SMYD1: variants seen among roughly 807,000 people sequenced by gnomAD.
SMYD1 encodes histone-lysine N-methyltransferase SMYD1.
SMYD1 carries 49 observed loss-of-function variants against 54.0 expected under a neutral mutation model. The observed-to-expected ratio is 0.91, with a 90% CI of 0.72 to 1.15. SMYD1 has a LOEUF of 1.15. SMYD1 is among the 50% of genes most tolerant of loss of function. SMYD1 has a pLI of 0.00. For synonymous variants in SMYD1, 269 were observed against 234.2 expected (o/e 1.15, Z -1.36); for missense variants, 653 against 639.6 (o/e 1.02, Z -0.23).
rs527439750 is a variant in SMYD1 at position 88,112,227 on chromosome 2, C to T, written c.*1715C>T. On this transcript the variant is annotated 3_prime_UTR_variant, in exon 10 of 10. Transcript: ENST00000419482. The stretch of plus-strand genomic sequence containing the variant: ...ACTCTTTTACCTTCATATAAAATGT[C>T]TCCCCCAAACCTTTTTCCCTTCTTT... 16 of 691,630 alleles carry T rather than the reference C, an allele frequency of 2.3e-5. No individual in the cohort carries two copies. Among genetic ancestry groups the T allele is most frequent in the Middle Eastern group, 4.6e-4 (2 of 4,328 alleles). The allele number at this position is 691,630 out of a possible 1,614,324, so 42.8% of individuals were successfully genotyped here.
chr2:88,096,922 AT>A lies in SMYD1; in HGVS notation c.888+139del, dbSNP rs1674603317. 3.6e-6 allele frequency: 3 copies of A among 833,662 alleles called. No homozygotes were observed. The Admixed American group carries it at 8.9e-5, about 25-fold the overall frequency. 51.6% of individuals were successfully genotyped at this position (833,662 alleles called of 1,614,324 possible). On this transcript the variant is annotated intron_variant, in intron 6 of 9. Transcript: ENST00000419482. The stretch of plus-strand genomic sequence containing the variant: ...TGTCACCCTGGGGAGGAGGCAGGGC[AT>A]GAGAGCAGAGCACCGCAGGTAGGTC...
intron 1 of SMYD1, among the ~76,000 whole-genome samples, chr2:88,072,016 AAC>A (rs1484613272): frequency 3.0e-4 from 43 of 144,234 alleles, no homozygotes; most frequent in East Asian, 1.0e-3. Flanking sequence ...AAAAAAAAAA[AAC>A]CCCAGCTATT....
chr2:88,093,166 T>C (rs1573113470), intron 4 of SMYD1, among the ~76,000 whole-genome samples: 1 of 152,222 alleles, frequency 6.6e-6, no homozygotes, highest in Non-Finnish European at 1.5e-5. Context: ...GGATGCTTAA[T>C]AGAATGATAA....
In SMYD1 at chr2:88,111,114, T is replaced by C. The variant is rs887294379; in HGVS notation, c.*602T>C. 3 of 152,396 alleles carry C rather than the reference T, an allele frequency of 2.0e-5. No individual in the cohort carries two copies. Among genetic ancestry groups the C allele is most frequent in the African/African-American group, 4.8e-5 (2 of 41,444 alleles). 9.4% of individuals were successfully genotyped at this position (152,396 alleles called of 1,614,324 possible). ...AAGAAGGGGCTGTGTTTGGGCCACG[T>C]AGGCTCTACTCAGAGACCTGAAACC... On this transcript the variant is annotated 3_prime_UTR_variant, in exon 10 of 10. Transcript: ENST00000419482.
intron 7 of SMYD1, among the ~76,000 whole-genome samples, chr2:88,103,720 T>A (rs1558858024): frequency 6.6e-6 from 1 of 152,134 alleles, no homozygotes; most frequent in Non-Finnish European, 1.5e-5. Flanking sequence ...TTTCAATGTG[T>A]AACCAAAGCC....
Position 88,112,352 on chromosome 2 carries a change from C to G in SMYD1, c.*1840C>G. On this transcript the variant is annotated 3_prime_UTR_variant, in exon 10 of 10. Coordinates refer to ENST00000419482, the MANE Select transcript of SMYD1 (RefSeq NM_198274.4). The stretch of plus-strand genomic sequence containing the variant: ...TTTGTTGTCTTTAACAAACTGTGTT[C>G]TGTGTCTGTGCTCCTCCTTCCCTCT... The G allele has an allele frequency of 1.7e-6, 1 of 578,192 alleles. No homozygotes were observed. Among genetic ancestry groups the G allele is most frequent in the Non-Finnish European group, 3.1e-6 (1 of 323,806 alleles). The allele number at this position is 578,192 out of a possible 1,614,324, so 35.8% of individuals were successfully genotyped here.
Position 88,112,051 on chromosome 2 carries a change from A to G in SMYD1, c.*1539A>G, listed in dbSNP as rs576787266. The G allele has an allele frequency of 1.1e-5, 8 of 703,066 alleles. No individual in the cohort carries two copies. In the East Asian group the frequency reaches 2.1e-4, roughly 19 times the overall value. The allele number at this position is 703,066 out of a possible 1,614,324, so 43.6% of individuals were successfully genotyped here. A position where few individuals can be genotyped will look rare whatever the true frequency, so the allele number is the denominator to read the frequency against. On this transcript the variant is annotated 3_prime_UTR_variant, in exon 10 of 10. Coordinates refer to ENST00000419482, the MANE Select transcript of SMYD1 (RefSeq NM_198274.4). ...TGCAAATGGGCCACACTTTTGCAAA[A>G]TACTTGTATCTGACACTTAGGTCTT...
At chr2:88,098,377 A>G (rs1674649465) in intron 6 of SMYD1, among the ~76,000 whole-genome samples, 2 of 152,170 alleles carry the variant, frequency 1.3e-5, no homozygotes, top group South Asian at 4.1e-4. Context: ...TGCTGTTACC[A>G]GCTGGTGACA....
At chr2:88,085,457 G>A (rs1208977957) in intron 2 of SMYD1, among the ~76,000 whole-genome samples, 2 of 152,226 alleles carry the variant, frequency 1.3e-5, no homozygotes, top group African/African-American at 4.8e-5. Flanking sequence ...TGGAGATGGT[G>A]ACTGGGAGCA....
chr2:88,097,918 C>T (rs896178762), intron 6 of SMYD1, among the ~76,000 whole-genome samples: 3 of 152,112 alleles, frequency 2.0e-5, no homozygotes, highest in Non-Finnish European at 2.9e-5. Flanking sequence ...ACAGTCACCC[C>T]TCCCAGGCAG....
intron 6 of SMYD1, 29 bp from the exon 7 acceptor site, chr2:88,103,029 C>G (rs1306762417): frequency 6.2e-7 from 1 of 1,600,728 alleles, no homozygotes; most frequent in Non-Finnish European, 8.6e-7. Flanking sequence ...ATGAAGGCAT[C>G]TCTAGCTCAA....
intron 4 of SMYD1, among the ~76,000 whole-genome samples, chr2:88,091,854 A>T (rs1430959763): frequency 6.6e-6 from 1 of 152,174 alleles, no homozygotes; most frequent in African/African-American, 2.4e-5. Flanking sequence ...ACAAAGTGAG[A>T]CCTTGTCTCT....
Position 88,111,390 on chromosome 2 carries a change from G to C in SMYD1, c.*878G>C, listed in dbSNP as rs1185983507. The C allele has an allele frequency of 6.6e-6, 1 of 152,214 alleles. No individual in the cohort carries two copies. Among genetic ancestry groups the C allele is most frequent in the South Asian group, 2.1e-4 (1 of 4,832 alleles). 9.4% of individuals were successfully genotyped at this position (152,214 alleles called of 1,614,324 possible). A position where few individuals can be genotyped will look rare whatever the true frequency, so the allele number is the denominator to read the frequency against. ...AGGATTTAAAAAATATTTTCAAAGT[G>C]AAGCTGAGAGAGAATCTTGGAAACA... On this transcript the variant is annotated 3_prime_UTR_variant, in exon 10 of 10. Transcript: ENST00000419482.
At position 88,110,490 on chromosome 2, in the gene SMYD1, C is replaced by A; in HGVS notation, c.1451C>A (p.Ala484Asp). ...GAGCCCAGCAATGAGCCATCCCCAG[C>A]TCTGTTCCACAAGAAGCAATGAGGA... Reference protein sequence around the residue: ...MAEPSNEPSPALFHKKQ With the variant: ...MAEPSNEPSPDLFHKKQ Residue 484 changes from alanine (A) to aspartate (D), a missense_variant, in exon 10 of 10, where the codon GCT becomes GAT. Transcript: ENST00000419482. The A allele has an allele frequency of 6.3e-7, 1 of 1,590,218 alleles. No individual in the cohort carries two copies. The highest frequency in any genetic ancestry group is 8.6e-7 in the Non-Finnish European group (1 of 1,167,574).
chr2:88,108,310 A>AGT (rs1674929515), intron 8 of SMYD1, 61 bp from the exon 9 acceptor site: 1 of 1,428,760 alleles, frequency 7.0e-7, no homozygotes, highest in East Asian at 2.6e-5. Context: ...TACATTATTA[A>AGT]ATTAAGTGCA....
intron 4 of SMYD1, among the ~76,000 whole-genome samples, chr2:88,092,714 C>G (rs1024501151): frequency 6.6e-6 from 1 of 152,222 alleles, no homozygotes; most frequent in Non-Finnish European, 1.5e-5. Flanking sequence ...TGGCCTGGAT[C>G]TCATGGAATC....
chr2:88,105,443 C>T (rs150850736), intron 7 of SMYD1, among the ~76,000 whole-genome samples: 200 of 152,126 alleles, frequency 1.3e-3, no homozygotes, highest in African/African-American at 4.6e-3. Flanking sequence ...GCCACAGATA[C>T]TAAAATCTTC....
At chr2:88,108,252 G>A (rs1445279651) in intron 8 of SMYD1, 119 bp from the exon 9 acceptor site, 20 of 978,878 alleles carry the variant, frequency 2.0e-5, no homozygotes, top group Non-Finnish European at 2.5e-5. Flanking sequence ...CAGAAGCCTT[G>A]CAGTGCTGAG....
chr2:88,089,017 C>T (rs923856165), intron 3 of SMYD1, among the ~76,000 whole-genome samples: 2 of 152,152 alleles, frequency 1.3e-5, no homozygotes, highest in African/African-American at 2.4e-5. Context: ...CCAGTCTTCA[C>T]CATATTGGGG....
Sources: gnomAD v4.1 joint callset for allele counts (sites outside exome capture counted in the v4.1 genomes callset) on GRCh38, gnomAD v4.1.1 for gene constraint, MANE v1.5 for transcripts, NCBI Gene and HGNC (gene_info 2026-07-23, HGNC 2026-07-21) for gene names.